NBEA: variants seen among roughly 807,000 people sequenced by gnomAD.
NBEA encodes neurobeachin.
Under a neutral mutation model 343.4 loss-of-function variants are expected in NBEA, and 44 were observed. That is an observed-to-expected ratio of 0.13 (90% CI 0.10 to 0.16). NBEA has a LOEUF of 0.16. Ranked by LOEUF, NBEA falls within the 10% of genes least tolerant of loss-of-function variation. NBEA has a pLI of 1.00. For missense variants in NBEA, 2,555 were observed against 3,631.3 expected, an observed-to-expected ratio of 0.70 and a Z score of 7.62; for synonymous variants, 1,175 against 1,238.7, an observed-to-expected ratio of 0.95 and a Z score of 1.08.
intron 38 of NBEA, among the ~76,000 whole-genome samples, chr13:35,417,360 C>A (rs534311644): frequency 6.6e-6 from 1 of 152,044 alleles, no homozygotes; most frequent in African/African-American, 2.4e-5. Context: ...CCTGCTTTCT[C>A]TTGTGGGCAT....
At chr13:35,347,519 T>C (rs139841972) in intron 36 of NBEA, among the ~76,000 whole-genome samples, 23 of 147,540 alleles carry the variant, frequency 1.6e-4, no homozygotes, top group Non-Finnish European at 3.0e-4. Context: ...GACTTGAAGG[T>C]AGCTTTTTAA....
chr13:35,292,450 C>G (rs1299642860), intron 35 of NBEA, among the ~76,000 whole-genome samples: 2 of 152,004 alleles, frequency 1.3e-5, no homozygotes, highest in Non-Finnish European at 2.9e-5. Flanking sequence ...CTCTCCAAAG[C>G]AGTGTTCTTC....
At chr13:35,623,987 A>G (rs1169450670) in intron 48 of NBEA, among the ~76,000 whole-genome samples, 1 of 152,092 alleles carries the variant, frequency 6.6e-6, no homozygotes, top group Non-Finnish European at 1.5e-5. Context: ...ACGGCTATAA[A>G]TATAAAAATT....
At chr13:35,113,073 A>C (rs1169803313) in intron 13 of NBEA, among the ~76,000 whole-genome samples, 1 of 152,086 alleles carries the variant, frequency 6.6e-6, no homozygotes, top group African/African-American at 2.4e-5. Context: ...TCTTACTTTT[A>C]ATGTTCTTCA....
chr13:35,291,314 C>T (rs998586483), intron 35 of NBEA, among the ~76,000 whole-genome samples: 4 of 151,842 alleles, frequency 2.6e-5, no homozygotes, highest in African/African-American at 4.8e-5. Flanking sequence ...ACAGCTAACT[C>T]GCAGACAAAC....
intron 36 of NBEA, 40 bp downstream of exon 36, chr13:35,309,632 AT>A (rs2152832653): frequency 2.5e-6 from 3 of 1,196,010 alleles, no homozygotes; most frequent in South Asian, 2.9e-5. Flanking sequence ...GTCAGTGTAC[AT>A]TTTATTCCAC....
chr13:35,469,319 G>C (rs2075540249), intron 40 of NBEA, among the ~76,000 whole-genome samples: 1 of 151,882 alleles, frequency 6.6e-6, no homozygotes, highest in African/African-American at 2.4e-5. Context: ...CATCTCAATT[G>C]GTTAAAGATC....
chr13:35,320,185 A>G (rs2038037315), intron 36 of NBEA, among the ~76,000 whole-genome samples: 1 of 152,190 alleles, frequency 6.6e-6, no homozygotes, highest in Non-Finnish European at 1.5e-5. Context: ...GTTTCTTCAT[A>G]GTGTCGATGG....
At chr13:35,358,366 T>C (rs1054690327) in intron 38 of NBEA, among the ~76,000 whole-genome samples, 3 of 152,068 alleles carry the variant, frequency 2.0e-5, no homozygotes, top group Non-Finnish European at 4.4e-5. Context: ...AAAACAGATA[T>C]ACTTTCTCCC....
intron 34 of NBEA, among the ~76,000 whole-genome samples, chr13:35,264,530 G>A (rs568216422): frequency 1.3e-5 from 2 of 151,994 alleles, no homozygotes; most frequent in African/African-American, 2.4e-5. Context: ...TTAACAGCAC[G>A]TTTAAAAGAT....
intron 49 of NBEA, among the ~76,000 whole-genome samples, chr13:35,630,798 A>G (rs772473555): frequency 6.6e-6 from 1 of 152,290 alleles, no homozygotes; most frequent in Non-Finnish European, 1.5e-5. Flanking sequence ...GAGGTTTACC[A>G]TGACCCTGTG....
Position 35,144,996 on chromosome 13 carries a change from G to A in NBEA, c.2445+2619G>A, listed in dbSNP as rs188427828. ...GATGGAGTCCCAGATGGTTTGAGCA[G>A]TGGGATTATATTGAAATTATGTAGC... is the stretch of plus-strand genomic sequence containing the variant. On this transcript the variant is annotated intron_variant, in intron 18 of 58. Coordinates refer to ENST00000379939, the MANE Select transcript of NBEA (RefSeq NM_001385012.1). Among the ~76,000 whole-genome samples, 342 of 152,324 alleles carry A rather than the reference G, an allele frequency of 2.2e-3. 1 individual carries two copies. The highest frequency in any genetic ancestry group is 3.1e-3 in the Non-Finnish European group (210 of 68,032).
At chr13:35,024,611 C>T (rs979242880) in intron 1 of NBEA, among the ~76,000 whole-genome samples, 9 of 152,028 alleles carry the variant, frequency 5.9e-5, no homozygotes, top group African/African-American at 1.4e-4. Context: ...ACCTGATAGG[C>T]GGAGTTTGCA....
intron 1 of NBEA, among the ~76,000 whole-genome samples, chr13:35,035,392 T>G (rs1475925023): frequency 1.3e-5 from 2 of 151,992 alleles, no homozygotes; most frequent in Non-Finnish European, 2.9e-5. Flanking sequence ...ATTATTTCAT[T>G]TTTTTGGAAT....
At chr13:35,403,886 A>C (rs981096738) in intron 38 of NBEA, among the ~76,000 whole-genome samples, 1 of 152,198 alleles carries the variant, frequency 6.6e-6, no homozygotes, top group Non-Finnish European at 1.5e-5. Flanking sequence ...CAGAATCTAC[A>C]AAGAACTCAA....
intron 23 of NBEA, 67 bp from the exon 24 acceptor site, chr13:35,164,289 T>C: frequency 7.3e-7 from 1 of 1,370,680 alleles, no homozygotes; most frequent in South Asian, 1.5e-5. Flanking sequence ...TCACTTGTTA[T>C]TCTAATTGTC....
In NBEA at chr13:34,985,833, A is replaced by G. The variant is rs1313425284; in HGVS notation, c.294+42719A>G. Among the ~76,000 whole-genome samples the G allele has an allele frequency of 2.7e-5, 4 of 150,732 alleles. 1 individual carries two copies. The South Asian group carries it at 6.3e-4, about 24-fold the overall frequency. Reference sequence around the variant, plus strand: ...CTAGTTTATTTGCATTGAGGTGTTTATATTATTATCTGATGGTAGTTTGTA... The same window carrying G: ...CTAGTTTATTTGCATTGAGGTGTTTGTATTATTATCTGATGGTAGTTTGTA... On this transcript the variant is annotated intron_variant, in intron 1 of 58. Coordinates refer to ENST00000379939, the MANE Select transcript of NBEA (RefSeq NM_001385012.1).
intron 1 of NBEA, among the ~76,000 whole-genome samples, chr13:35,033,503 C>T (rs1399817083): frequency 6.6e-6 from 1 of 151,814 alleles, no homozygotes; most frequent in Non-Finnish European, 1.5e-5. Flanking sequence ...TTTGTGATTC[C>T]ATATAAATTT....
At chr13:35,252,754 G>A (rs1040180643) in intron 34 of NBEA, among the ~76,000 whole-genome samples, 2 of 152,226 alleles carry the variant, frequency 1.3e-5, no homozygotes, top group Non-Finnish European at 1.5e-5. Flanking sequence ...TACCCTAAGA[G>A]TGGTTCTCTC....
Sources: gnomAD v4.1 joint callset for allele counts (sites outside exome capture counted in the v4.1 genomes callset) on GRCh38, gnomAD v4.1.1 for gene constraint, MANE v1.5 for transcripts, NCBI Gene and HGNC (gene_info 2026-07-23, HGNC 2026-07-21) for gene names.